Variants in HIVEP3 observed in about 807,000 individuals in gnomAD.
HIVEP3 encodes transcription factor HIVEP3.
Under a neutral mutation model 152.8 loss-of-function variants are expected in HIVEP3, and 49 were observed. That is an observed-to-expected ratio of 0.32 (90% confidence interval 0.26 to 0.41). The LOEUF (loss-of-function observed/expected upper bound fraction) is 0.41. Ranked by LOEUF, HIVEP3 falls within the 10% of genes least tolerant of loss-of-function variation. The probability of loss-of-function intolerance (pLI) is 1.00; values close to 1 mark genes in which losing one functional copy is unlikely to be tolerated. For synonymous variants in HIVEP3, 1,269 were observed against 1,289.0 expected (o/e 0.98, Z 0.33); for missense variants, 2,790 against 3,103.3 (o/e 0.90, Z 2.40).
At chr1:41,782,077 C>T (rs1267146335) in intron 1 of HIVEP3, among the ~76,000 whole-genome samples, 2 of 152,234 alleles carry the variant, frequency 1.3e-5, no homozygotes, top group African/African-American at 2.4e-5. Flanking sequence ...ATGAATCGTT[C>T]AACCAAATGT....
Position 41,662,252 on chromosome 1 carries a change from C to G in HIVEP3, c.-720-33305G>C, listed in dbSNP as rs1049828668. On this transcript the variant is annotated intron_variant, in intron 2 of 8. Coordinates refer to ENST00000372583, the MANE Select transcript of HIVEP3 (RefSeq NM_024503.5). The surrounding 1 kb of genome is among the most constrained non-coding windows in gnomAD (Gnocchi z 7.2). ...GCAGCGCCCGCGCGCTCGGCTCCGC[C>G]CGGCTCGGCTCCGCCCGGCGGTGCC... 6.9e-6 allele frequency: 1 copy of G among 145,850 alleles called. No individual in the cohort carries two copies. The highest frequency in any genetic ancestry group is 2.1e-4 in the South Asian group (1 of 4,804). 9.0% of individuals were successfully genotyped at this position (145,850 alleles called of 1,614,324 possible).
chr1:41,583,929 G>C lies in HIVEP3; in HGVS notation c.869C>G (p.Ala290Gly), dbSNP rs770031511. 1 of 1,614,172 alleles carries C rather than the reference G, an allele frequency of 6.2e-7. No homozygotes were observed. Among genetic ancestry groups the C allele is most frequent in the Non-Finnish European group, 8.5e-7 (1 of 1,180,012 alleles). The stretch of plus-strand genomic sequence containing the variant: ...GAGCTCTGCAGGGTGACCAGAGGTG[G>C]CACTAGTCTCCTCTTCAGAATCTGT... ...ESTDSEEETSATSGHPAELSP... is the reference protein window; with the variant it reads ...ESTDSEEETSGTSGHPAELSP... The change falls in exon 4 of 9, where the codon GCC (alanine) becomes GGC (glycine). Residue 290 changes from alanine to glycine, a missense_variant. Coordinates refer to ENST00000372583, the MANE Select transcript of HIVEP3 (RefSeq NM_024503.5). The surrounding 1 kb of genome is among the most constrained non-coding windows in gnomAD (Gnocchi z 6.9).
chr1:41,606,148 CCT>C (rs902697069), intron 3 of HIVEP3, among the ~76,000 whole-genome samples: 15 of 150,888 alleles, frequency 9.9e-5, no homozygotes, highest in African/African-American at 3.7e-4. Context: ...TCGCATTCAA[CCT>C]CTCTCTCCCA....
chr1:41,675,502 T>C (rs1645940501), intron 2 of HIVEP3, among the ~76,000 whole-genome samples: 1 of 152,226 alleles, frequency 6.6e-6, no homozygotes, highest in Admixed American at 6.5e-5. Flanking sequence ...GCCTCTCAAG[T>C]AGCAGCATTT....
At chr1:41,749,297 T>G (rs1483357934) in intron 1 of HIVEP3, among the ~76,000 whole-genome samples, 1 of 152,054 alleles carries the variant, frequency 6.6e-6, no homozygotes, top group Non-Finnish European at 1.5e-5. Context: ...CCCTCTCACT[T>G]CCCCTGGGTG....
intron 1 of HIVEP3, among the ~76,000 whole-genome samples, chr1:41,876,534 A>G (rs1644173908): frequency 6.6e-6 from 1 of 152,202 alleles, no homozygotes; most frequent in African/African-American, 2.4e-5. Flanking sequence ...GCCTATAGAC[A>G]ATGCTTGACA....
intron 5 of HIVEP3, among the ~76,000 whole-genome samples, chr1:41,545,077 TCAC>T (rs1643708117): frequency 5.7e-5 from 2 of 35,116 alleles, no homozygotes; most frequent in South Asian, 1.2e-3. Flanking sequence ...ACCACCAACA[TCAC>T]CACCTCTACC....
chr1:41,864,879 C>T (rs1643940852), intron 1 of HIVEP3, among the ~76,000 whole-genome samples: 2 of 152,248 alleles, frequency 1.3e-5, no homozygotes. Context: ...TCACCCTTGA[C>T]CCAGCCCATT....
At chr1:41,783,357 A>G (rs1649165295) in intron 1 of HIVEP3, among the ~76,000 whole-genome samples, 1 of 152,204 alleles carries the variant, frequency 6.6e-6, no homozygotes, top group South Asian at 2.1e-4. Flanking sequence ...AAAGAGATGA[A>G]TCACACACTG....
At chr1:41,566,307 C>T (rs1186223104) in intron 5 of HIVEP3, among the ~76,000 whole-genome samples, 2 of 152,162 alleles carry the variant, frequency 1.3e-5, no homozygotes, top group Non-Finnish European at 2.9e-5. Context: ...CTCCCCACTG[C>T]CCACCCCCAA....
In HIVEP3 at chr1:41,657,092, A is replaced by G. The variant is rs553807705; in HGVS notation, c.-720-28145T>C. Among the ~76,000 whole-genome samples the G allele has an allele frequency of 3.3e-5, 5 of 152,316 alleles. No homozygotes were observed. In the South Asian group the frequency reaches 1.0e-3, roughly 32 times the overall value. On this transcript the variant is annotated intron_variant, in intron 2 of 8. Coordinates refer to ENST00000372583, the MANE Select transcript of HIVEP3 (RefSeq NM_024503.5). ...TTCTTGGGGATGCAGACTCTCTCCT[A>G]GTGCTTAGCCCAGAGCTGAGCCCCC...
At chr1:41,618,741 TGGCCCATTTTCCA>T (rs1480465402) in intron 3 of HIVEP3, among the ~76,000 whole-genome samples, 1 of 152,224 alleles carries the variant, frequency 6.6e-6, no homozygotes, top group Non-Finnish European at 1.5e-5. Flanking sequence ...TCTATCCACC[TGGCCCATTTTCCA>T]GATGAGGAAA....
chr1:41,840,425 G>A (rs2124368489), intron 1 of HIVEP3, among the ~76,000 whole-genome samples: 1 of 152,230 alleles, frequency 6.6e-6, no homozygotes, highest in Non-Finnish European at 1.5e-5. Context: ...ACTAAGGATT[G>A]CCAGCAACCA....
intron 3 of HIVEP3, among the ~76,000 whole-genome samples, chr1:41,596,815 T>C (rs1644672259): frequency 6.6e-6 from 1 of 152,186 alleles, no homozygotes; most frequent in South Asian, 2.1e-4. Context: ...TTGGTCAGAA[T>C]GACCGAGTGG....
At chr1:41,921,925 CCACA>C (rs371827291), upstream of HIVEP3, among the ~76,000 whole-genome samples, 1 of 150,032 alleles carries the variant, frequency 6.7e-6, no homozygotes, top group Non-Finnish European at 1.5e-5. Context: ...CACACACACA[CCACA>C]CACACACACA....
At chr1:41,852,857 C>T (rs765023955) in intron 1 of HIVEP3, among the ~76,000 whole-genome samples, 3 of 152,230 alleles carry the variant, frequency 2.0e-5, no homozygotes, top group Non-Finnish European at 2.9e-5. Flanking sequence ...GTTCAGTTCA[C>T]TCCAGCAACT....
intron 1 of HIVEP3, among the ~76,000 whole-genome samples, chr1:41,744,317 G>A (rs1307724908): frequency 6.6e-6 from 1 of 152,216 alleles, no homozygotes; most frequent in African/African-American, 2.4e-5. Flanking sequence ...GGGATTACAG[G>A]TGTGAGCCAT....
In HIVEP3 at chr1:41,781,527, G is replaced by C. The variant is rs114637712; in HGVS notation, c.-800-80532C>G. ...ATAGTTCAGACGCTCTTTCTCACTA[G>C]ACTGAGGCAACAATCTCCCTCTGGC... On this transcript the variant is annotated intron_variant, in intron 1 of 8. Coordinates refer to ENST00000372583, the MANE Select transcript of HIVEP3 (RefSeq NM_024503.5). Among the ~76,000 whole-genome samples the C allele has an allele frequency of 1.4e-3, 213 of 152,246 alleles. 2 individuals carry two copies. The highest frequency in any genetic ancestry group is 4.8e-3 in the South Asian group (23 of 4,824).
At chr1:41,865,689 AAT>A (rs1643956769) in intron 1 of HIVEP3, 1 of 152,198 alleles carries the variant, frequency 6.6e-6, no homozygotes, top group Non-Finnish European at 1.5e-5. Flanking sequence ...ACAGCTTGTG[AAT>A]TCCTAGGTAG....
Sources: gnomAD v4.1 joint callset for allele counts (sites outside exome capture counted in the v4.1 genomes callset) on GRCh38, gnomAD v4.1.1 for gene constraint, Gnocchi (gnomAD v3.1) non-coding constraint, MANE v1.5 for transcripts, NCBI Gene and HGNC (gene_info 2026-07-23, HGNC 2026-07-21) for gene names.